ANXA4: variants seen among roughly 807,000 people sequenced by gnomAD.
The protein encoded by ANXA4 is 35-beta calcimedin.
ANXA4 carries 39 observed loss-of-function variants against 49.8 expected under a neutral mutation model. The ratio of observed to expected loss-of-function variants is 0.78; its 90% confidence interval spans 0.61 to 1.02. ANXA4 has a LOEUF of 1.02. Ranked by LOEUF, ANXA4 falls within the 50% of genes least tolerant of loss-of-function variation. The pLI, the probability that ANXA4 is intolerant of heterozygous loss-of-function variation, is 0.00. For missense variants in ANXA4, 360 were observed against 410.1 expected (o/e 0.88, Z 1.05); for synonymous variants, 134 against 152.5 (o/e 0.88, Z 0.89).
At chr2:69,811,628 T>G (rs1673706402) in intron 7 of ANXA4, among the ~76,000 whole-genome samples, 1 of 152,170 alleles carries the variant, frequency 6.6e-6, no homozygotes, top group Admixed American at 6.5e-5. Context: ...TCACATTGCT[T>G]TTTAGATGTT....
At chr2:69,764,127 GA>G (rs1671410300) in intron 1 of ANXA4, among the ~76,000 whole-genome samples, 1 of 152,202 alleles carries the variant, frequency 6.6e-6, no homozygotes, top group African/African-American at 2.4e-5. Context: ...AAGTGCAGAT[GA>G]GAATCCCTGG....
At chr2:69,741,027 G>A (rs1441750173), upstream of ANXA4, among the ~76,000 whole-genome samples, 1 of 151,988 alleles carries the variant, frequency 6.6e-6, no homozygotes, top group Non-Finnish European at 1.5e-5. Context: ...GATAAAAGAG[G>A]CAGAACCAGT....
chr2:69,745,052 T>C (rs896363680), intron 1 of ANXA4, among the ~76,000 whole-genome samples: 2 of 152,030 alleles, frequency 1.3e-5, no homozygotes, highest in African/African-American at 4.8e-5. Context: ...GAGCTATGAT[T>C]GTGCCACTGC....
chr2:69,816,219 A>T, intron 9 of ANXA4, 25 bp downstream of exon 9: 1 of 1,599,666 alleles, frequency 6.3e-7, no homozygotes, highest in South Asian at 1.1e-5. Context: ...TCATTTCCCA[A>T]AGAAAAGGAG....
At chr2:69,725,369 A>G (rs2105436363) in intron 3 of ANXA4, among the ~76,000 whole-genome samples, 1 of 148,478 alleles carries the variant, frequency 6.7e-6, no homozygotes, top group East Asian at 1.9e-4. Context: ...ATAAATATAT[A>G]AATTTATTAT....
intron 1 of ANXA4, among the ~76,000 whole-genome samples, chr2:69,747,114 C>T (rs141342860): frequency 6.6e-6 from 1 of 151,912 alleles, no homozygotes; most frequent in East Asian, 2.0e-4. Context: ...AGCAGGAAGC[C>T]CCCCCATGTC....
At chr2:69,657,850 G>C (rs1676562823) in intron 2 of ANXA4, among the ~76,000 whole-genome samples, 2 of 151,918 alleles carry the variant, frequency 1.3e-5, no homozygotes, top group Non-Finnish European at 2.9e-5. Flanking sequence ...AGATGAATGG[G>C]GATTTAAAAA....
chr2:69,819,156 C>T, intron 10 of ANXA4, 124 bp from the exon 11 acceptor site: 3 of 661,948 alleles, frequency 4.5e-6, no homozygotes, highest in Middle Eastern at 3.4e-4. Context: ...CATTGCTTGG[C>T]TAAAATTTCC....
chr2:69,656,344 TG>T (rs1289092293), intron 2 of ANXA4, among the ~76,000 whole-genome samples: 1 of 99,776 alleles, frequency 1.0e-5, no homozygotes, highest in East Asian at 6.0e-4. Context: ...TGTATATATA[TG>T]TGTATATATG....
intron 1 of ANXA4, among the ~76,000 whole-genome samples, chr2:69,774,711 G>A (rs772843953): frequency 2.0e-5 from 3 of 152,120 alleles, no homozygotes; most frequent in Non-Finnish European, 2.9e-5. Context: ...CAAATACCCC[G>A]ATGATCATCA....
intron 3 of ANXA4, among the ~76,000 whole-genome samples, chr2:69,804,224 A>G (rs144934963): frequency 6.8e-4 from 103 of 152,146 alleles, no homozygotes; most frequent in Middle Eastern, 3.4e-3. Flanking sequence ...AGTGCTAGGC[A>G]TTTAATTATA....
At chr2:69,804,094 C>T (rs1673331264) in intron 3 of ANXA4, among the ~76,000 whole-genome samples, 2 of 145,288 alleles carry the variant, frequency 1.4e-5, no homozygotes, top group African/African-American at 5.3e-5. Flanking sequence ...GCTGAGATCG[C>T]GCCATTGCAC....
chr2:69,793,250 C>A (rs1391112118), intron 3 of ANXA4, among the ~76,000 whole-genome samples: 45 of 128,546 alleles, frequency 3.5e-4, no homozygotes, highest in South Asian at 9.6e-4. Context: ...GACTCCATCT[C>A]AAAAAAAAAA....
chr2:69,748,493 TATTA>T (rs1473471991), intron 1 of ANXA4, among the ~76,000 whole-genome samples: 3 of 150,630 alleles, frequency 2.0e-5, no homozygotes, highest in South Asian at 2.1e-4. Flanking sequence ...TATATTAATA[TATTA>T]ATTATAAAAT....
Position 69,674,841 on chromosome 2 carries a change from G to T in ANXA4, n.766+21559G>T, listed in dbSNP as rs574437583. Among the ~76,000 whole-genome samples, 102 of 150,204 alleles carry T rather than the reference G, an allele frequency of 6.8e-4. 1 individual carries two copies. The highest frequency in any genetic ancestry group is 2.5e-4 in the Non-Finnish European group (17 of 67,704). On this transcript the variant is annotated intron_variant and non_coding_transcript_variant, in intron 2 of 3. Coordinates refer to the ANXA4 transcript ENST00000418066. ...CATCCTCTTACAATAAAAAATAATT[G>T]ATTCTCCAACTCAGTAACACTATTG... is the stretch of plus-strand genomic sequence containing the variant.
chr2:69,648,883 C>CTTTTTTTTTTTT (rs199698315), intron 1 of ANXA4, among the ~76,000 whole-genome samples: 3 of 105,778 alleles, frequency 2.8e-5, no homozygotes, highest in African/African-American at 1.1e-4. Context: ...TTCTTTCTTT[C>CTTTTTTTTTTTT]TTTTCTTTTT....
intron 12 of ANXA4, among the ~76,000 whole-genome samples, chr2:69,821,245 G>A (rs749706870): frequency 1.1e-4 from 16 of 152,054 alleles, no homozygotes; most frequent in Non-Finnish European, 1.6e-4. Flanking sequence ...GTCCTAAGAG[G>A]GCATGGTAGT....
intron 2 of ANXA4, among the ~76,000 whole-genome samples, chr2:69,700,982 C>T (rs976843209): frequency 6.6e-6 from 1 of 152,118 alleles, no homozygotes; most frequent in Non-Finnish European, 1.5e-5. Flanking sequence ...AAGAAATTCT[C>T]CTGCCTCAGC....
At chr2:69,781,643 A>C (rs1318396355) in intron 2 of ANXA4, 69 bp downstream of exon 2, 1 of 1,563,808 alleles carries the variant, frequency 6.4e-7, no homozygotes, top group East Asian at 2.2e-5. Context: ...GGGCTCAGCA[A>C]CTGTTAGCTT....
Sources: gnomAD v4.1 joint callset for allele counts (sites outside exome capture counted in the v4.1 genomes callset) on GRCh38, gnomAD v4.1.1 for gene constraint, MANE v1.5 for transcripts, NCBI Gene and HGNC (gene_info 2026-07-23, HGNC 2026-07-21) for gene names.